Variants in CSMD2 observed in about 807,000 individuals in gnomAD.
CSMD2 encodes the protein CUB and sushi domain-containing protein 2.
A neutral mutation model predicts 398.5 loss-of-function variants in CSMD2; 130 were observed. The ratio of observed to expected loss-of-function variants is 0.33; its 90% CI spans 0.28 to 0.38. The LOEUF (loss-of-function observed/expected upper bound fraction) is 0.38. CSMD2 is among the 10% of genes least tolerant of loss of function. The pLI is 1.00. For synonymous variants in CSMD2, 1,828 were observed against 1,908.5 expected (o/e 0.96, Z 1.10); for missense variants, 3,829 against 4,764.9 (o/e 0.80, Z 5.78).
intron 2 of CSMD2, among the ~76,000 whole-genome samples, chr1:34,037,520 G>A (rs1651299230): frequency 6.6e-6 from 1 of 152,212 alleles, no homozygotes; most frequent in Admixed American, 6.5e-5. Flanking sequence ...AGCAAGGCCA[G>A]ACCTATATCT....
At position 33,559,193 on chromosome 1, in the gene CSMD2, G is replaced by T; in HGVS notation, c.8554+107C>A. On this transcript the variant is annotated intron_variant, in intron 54 of 70. Transcript: ENST00000373381. The surrounding 1 kb of genome is among the most constrained non-coding windows in gnomAD (Gnocchi z 4.0). ...CTTCTCTGCTCCATCTTCCCTATCTGGATCAGAATGATGCCAGAATGAATT... is the reference window on the plus strand; with the variant it reads ...CTTCTCTGCTCCATCTTCCCTATCTTGATCAGAATGATGCCAGAATGAATT... The T allele has an allele frequency of 1.9e-6, 2 of 1,046,180 alleles. No homozygotes were observed. Among genetic ancestry groups the T allele is most frequent in the Non-Finnish European group, 1.4e-6 (1 of 729,532 alleles). 64.8% of individuals were successfully genotyped at this position (1,046,180 alleles called of 1,614,324 possible).
At chr1:33,972,088 C>T (rs1286660635) in intron 3 of CSMD2, among the ~76,000 whole-genome samples, 2 of 152,068 alleles carry the variant, frequency 1.3e-5, no homozygotes, top group Admixed American at 6.6e-5. Context: ...GGGCAGGGAC[C>T]GCGGGAGTAG....
At chr1:33,754,608 A>G (rs1648735313) in intron 13 of CSMD2, among the ~76,000 whole-genome samples, 1 of 152,254 alleles carries the variant, frequency 6.6e-6, no homozygotes, top group Non-Finnish European at 1.5e-5. Flanking sequence ...TAGTAAAGGT[A>G]AGTACTGCTT....
chr1:34,007,901 T>C (rs988305301), intron 3 of CSMD2, among the ~76,000 whole-genome samples: 1 of 152,152 alleles, frequency 6.6e-6, no homozygotes, highest in Non-Finnish European at 1.5e-5. Context: ...TTTTCTTCCA[T>C]GAACATGTAA....
intron 2 of CSMD2, among the ~76,000 whole-genome samples, chr1:34,049,384 A>G (rs1652916430): frequency 6.6e-6 from 1 of 152,100 alleles, no homozygotes; most frequent in Non-Finnish European, 1.5e-5. Context: ...CAGGGCCACT[A>G]TGTTGCACAT....
intron 3 of CSMD2, among the ~76,000 whole-genome samples, chr1:34,031,677 G>T (rs1447977479): frequency 6.9e-6 from 1 of 144,540 alleles, no homozygotes; most frequent in Non-Finnish European, 1.5e-5. Flanking sequence ...CCCTGGCCAA[G>T]ACAGGGAGTG....
intron 13 of CSMD2, among the ~76,000 whole-genome samples, chr1:33,760,759 G>A (rs1649725449): frequency 6.6e-6 from 1 of 152,072 alleles, no homozygotes; most frequent in South Asian, 2.1e-4. Context: ...ATTCAATTTT[G>A]GCTGAATTTG....
chr1:33,974,743 G>A (rs1645899353), intron 3 of CSMD2, among the ~76,000 whole-genome samples: 1 of 152,164 alleles, frequency 6.6e-6, no homozygotes, highest in Non-Finnish European at 1.5e-5. Context: ...GAGCTTGAAA[G>A]TCAGATAAGG....
intron 48 of CSMD2, 23 bp downstream of exon 48, chr1:33,580,730 T>C (rs1164902372): frequency 1.2e-6 from 2 of 1,613,774 alleles, no homozygotes; most frequent in Admixed American, 3.3e-5. Context: ...GGCCTGTGGC[T>C]TATTTGTGTT....
chr1:34,063,778 T>A (rs910715623), intron 2 of CSMD2, among the ~76,000 whole-genome samples: 3 of 152,216 alleles, frequency 2.0e-5, no homozygotes, highest in African/African-American at 7.2e-5. Flanking sequence ...GGTGCTCCGA[T>A]CCCACATTTC....
chr1:33,626,389 G>T (rs1027584025), intron 33 of CSMD2, 97 bp downstream of exon 33: 5 of 782,610 alleles, frequency 6.4e-6, no homozygotes, highest in Non-Finnish European at 9.8e-6. Flanking sequence ...CTGAGAAAGG[G>T]ACTCAGACTA....
chr1:33,596,226 A>T (rs67344823), intron 44 of CSMD2, among the ~76,000 whole-genome samples: 26,478 of 151,634 alleles, frequency 0.17, 2,896 homozygotes, highest in African/African-American at 0.31. Flanking sequence ...CCTGGGCTGA[A>T]CCTTCTCTGT....
At chr1:33,681,112 T>G (rs143322076) in intron 25 of CSMD2, among the ~76,000 whole-genome samples, 17 of 151,826 alleles carry the variant, frequency 1.1e-4, no homozygotes, top group Non-Finnish European at 2.2e-4. Flanking sequence ...TTTAGTAAGA[T>G]GGGGTTTAGC....
intron 24 of CSMD2, among the ~76,000 whole-genome samples, chr1:33,694,183 T>C (rs1206558247): frequency 1.3e-5 from 2 of 152,210 alleles, no homozygotes; most frequent in Non-Finnish European, 2.9e-5. Context: ...ATTCCACTTA[T>C]GTGAAATACC....
chr1:33,965,078 G>A (rs1645510510), intron 3 of CSMD2, among the ~76,000 whole-genome samples: 1 of 152,232 alleles, frequency 6.6e-6, no homozygotes, highest in Non-Finnish European at 1.5e-5. Flanking sequence ...GACTGACTCT[G>A]TCCCTCTAGG....
chr1:33,974,324 C>G (rs1645880867), intron 3 of CSMD2, among the ~76,000 whole-genome samples: 1 of 152,178 alleles, frequency 6.6e-6, no homozygotes, highest in Non-Finnish European at 1.5e-5. Flanking sequence ...AACTGATAAC[C>G]CAGCAGCATA....
rs774135463 is a variant in CSMD2 at position 33,586,485 on chromosome 1, T to C, written c.7051+19A>G. On this transcript the variant is annotated intron_variant, in intron 46 of 70. Coordinates refer to ENST00000373381, the MANE Select transcript of CSMD2 (RefSeq NM_001281956.2). ...GAGGAACTTCTAGGCCCCATACAGA[T>C]GCGGCTCCATGCAATTACCTTCACA... 16 of 1,529,002 alleles carry C rather than the reference T, an allele frequency of 1.0e-5. No individual in the cohort carries two copies. Among genetic ancestry groups the C allele is most frequent in the Non-Finnish European group, 1.2e-5 (13 of 1,102,982 alleles). The allele number at this position is 1,529,002 out of a possible 1,614,324, so 94.7% of individuals were successfully genotyped here. A position where few individuals can be genotyped will look rare whatever the true frequency, so the allele number is the denominator to read the frequency against.
chr1:33,619,433 C>T (rs954140786), intron 37 of CSMD2, among the ~76,000 whole-genome samples: 2 of 149,740 alleles, frequency 1.3e-5, no homozygotes, highest in Non-Finnish European at 2.9e-5. Context: ...CAGCCACCAA[C>T]CCATCTTCCC....
chr1:33,633,314 C>T lies in CSMD2; in HGVS notation c.5200+108G>A. On this transcript the variant is annotated intron_variant, in intron 32 of 70. Transcript: ENST00000373381. This position sits in a 1 kb window ranked among gnomAD's most constrained non-coding sequence, Gnocchi z 5.0. ...CCAGAACACGACAGGCACGCAGAGC[C>T]GTAGGGTTCCACCTGCGGCCATGGG... 1.3e-6 allele frequency: 1 copy of T among 787,148 alleles called. No homozygotes were observed. The highest frequency in any genetic ancestry group is 2.7e-5 in the East Asian group (1 of 37,232). 48.8% of individuals were successfully genotyped at this position (787,148 alleles called of 1,614,324 possible).
Sources: gnomAD v4.1 joint callset for allele counts (sites outside exome capture counted in the v4.1 genomes callset) on GRCh38, gnomAD v4.1.1 for gene constraint, Gnocchi (gnomAD v3.1) non-coding constraint, MANE v1.5 for transcripts, NCBI Gene and HGNC (gene_info 2026-07-23, HGNC 2026-07-21) for gene names.